The following ST3GAL5 variants were observed in gnomAD, a reference collection of about 807,000 sequenced individuals.
ST3GAL5 encodes lactosylceramide alpha-2,3-sialyltransferase.
A neutral mutation model predicts 46.1 loss-of-function variants in ST3GAL5; 25 were observed. The ratio of observed to expected loss-of-function variants is 0.54; its 90% CI spans 0.40 to 0.76. The LOEUF is 0.76. ST3GAL5 is among the 30% of genes least tolerant of loss of function. The pLI is 0.00. For synonymous variants in ST3GAL5, 182 were observed against 192.7 expected, an observed-to-expected ratio of 0.94 and a Z score of 0.46; for missense variants, 431 against 521.2, an observed-to-expected ratio of 0.83 and a Z score of 1.69.
intron 1 of ST3GAL5, among the ~76,000 whole-genome samples, chr2:85,882,637 T>C (rs1020140223): frequency 6.6e-6 from 1 of 151,020 alleles, no homozygotes; most frequent in African/African-American, 2.4e-5. Flanking sequence ...AAGACCAGCC[T>C]GGCCAACATG....
At chr2:85,888,783 G>A (rs1209755384) in intron 1 of ST3GAL5, 41 bp downstream of exon 1, 4 of 1,177,096 alleles carry the variant, frequency 3.4e-6, no homozygotes, top group East Asian at 3.7e-5. Flanking sequence ...CCCCCAGCCC[G>A]CGGGCCCCCG....
intron 3 of ST3GAL5, chr2:85,851,662 T>C: frequency 1.6e-6 from 2 of 1,289,354 alleles, no homozygotes; most frequent in South Asian, 1.2e-5. Flanking sequence ...AGCTCACAGC[T>C]CAGAAGAAAG....
At position 85,840,315 on chromosome 2, in the gene ST3GAL5, T is replaced by C. The variant is rs1344456475; in HGVS notation, c.1086A>G (p.Gly362=). The change falls in exon 7 of 7, where the codon GGA becomes GGG. Residue 362 remains glycine, a synonymous_variant. Transcript: ENST00000638572. ...LCDEVSLAGF[G]YDLNQPRTPL... is the part of the protein sequence containing the mutation. ...GTGTTCTGGGTTGATTGAGGTCATA[T>C]CCAAAACCCGCCAAACTGACTTCAT... 1.2e-6 allele frequency: 2 copies of C among 1,613,896 alleles called. No homozygotes were observed. Among genetic ancestry groups the C allele is most frequent in the South Asian group, 1.1e-5 (1 of 91,080 alleles).
At chr2:85,876,462 C>CTTTTTT (rs59265377) in intron 1 of ST3GAL5, among the ~76,000 whole-genome samples, 1 of 111,250 alleles carries the variant, frequency 9.0e-6, no homozygotes, top group African/African-American at 3.3e-5. Flanking sequence ...TTTCTTTTTC[C>CTTTTTT]TTTTTTTTTT....
At chr2:85,840,712 G>A (rs1030385555) in intron 6 of ST3GAL5, among the ~76,000 whole-genome samples, 6 of 152,164 alleles carry the variant, frequency 3.9e-5, no homozygotes, top group South Asian at 2.1e-4. Flanking sequence ...CTGGGAGGCC[G>A]AGGTGGGCGG....
chr2:85,870,029 T>C (rs557076814), intron 1 of ST3GAL5: 8 of 356,844 alleles, frequency 2.2e-5, no homozygotes, highest in Non-Finnish European at 4.5e-5. Context: ...ATAATGTGAA[T>C]GCTTGTGTTA....
At chr2:85,883,206 G>A (rs1425056074) in intron 1 of ST3GAL5, among the ~76,000 whole-genome samples, 1 of 152,310 alleles carries the variant, frequency 6.6e-6, no homozygotes, top group African/African-American at 2.4e-5. Context: ...ATTCCCACAT[G>A]TTGTGGGAGG....
rs537592040 is a variant in ST3GAL5, at chr2:85,882,505, G to A, written c.82+6319C>T. 2.9e-4 allele frequency among the ~76,000 whole-genome samples: 44 copies of A among 152,278 alleles called. No individual in the cohort carries two copies. The East Asian group carries it at 6.9e-3, about 24-fold the overall frequency. On this transcript the variant is annotated intron_variant, in intron 1 of 6. Transcript: ENST00000638572. ...CCTCTTGTATCAGCATGACCTGGAT[G>A]AGAGACATGGAGTCAAAGGAGATCA...
chr2:85,888,971 G>A lies in ST3GAL5; in HGVS notation c.-66C>T. 4 of 1,194,610 alleles carry A rather than the reference G, an allele frequency of 3.3e-6. No homozygotes were observed. Among genetic ancestry groups the A allele is most frequent in the Admixed American group, 8.8e-5 (2 of 22,674 alleles). 74.0% of individuals were successfully genotyped at this position (1,194,610 alleles called of 1,614,324 possible). ...CGCGCCCCCACCCGCCCCCAGCGCC[G>A]CTCTCGCGCCCATTCAGCTGGGGGC... On this transcript the variant is annotated 5_prime_UTR_variant, in exon 1 of 7. Transcript: ENST00000638572.
chr2:85,863,546 T>A (rs1237451618), intron 1 of ST3GAL5, 61 bp from the exon 2 acceptor site: 24 of 1,593,126 alleles, frequency 1.5e-5, no homozygotes, highest in Non-Finnish European at 2.1e-5. Context: ...GGAGGATGGA[T>A]TATGGTTTTC....
chr2:85,851,674 GCCT>G (rs1683526858), intron 3 of ST3GAL5: 1 of 1,289,286 alleles, frequency 7.8e-7, no homozygotes, highest in African/African-American at 1.5e-5. Flanking sequence ...AGAAGAAAGT[GCCT>G]CAAGGCGAGT....
chr2:85,853,365 G>C (rs1055872401), intron 3 of ST3GAL5: 9 of 330,014 alleles, frequency 2.7e-5, no homozygotes, highest in Non-Finnish European at 5.4e-5. Flanking sequence ...ATGAAGGCGG[G>C]GACCAGCGTC....
chr2:85,867,867 G>T, intron 1 of ST3GAL5: 1 of 594,172 alleles, frequency 1.7e-6, no homozygotes, highest in Non-Finnish European at 3.1e-6. Flanking sequence ...CCTGGGACTG[G>T]GGTTAGTCAG....
intron 3 of ST3GAL5, among the ~76,000 whole-genome samples, chr2:85,858,899 C>A (rs1684434080): frequency 2.0e-5 from 3 of 152,196 alleles, no homozygotes; most frequent in African/African-American, 7.2e-5. Context: ...TGAGTTTCTC[C>A]TCTGGTCATT....
chr2:85,840,770 C>A (rs1184579801), intron 6 of ST3GAL5, among the ~76,000 whole-genome samples: 1 of 151,590 alleles, frequency 6.6e-6, no homozygotes, highest in African/African-American at 2.4e-5. Context: ...ATGGTGAAAC[C>A]CTGTCTCTAC....
At chr2:85,881,149 C>G (rs544353755) in intron 1 of ST3GAL5, among the ~76,000 whole-genome samples, 1 of 152,328 alleles carries the variant, frequency 6.6e-6, no homozygotes, top group Non-Finnish European at 1.5e-5. Flanking sequence ...CTCATTCTCT[C>G]TTGCTGCTGC....
chr2:85,874,464 C>T (rs1277137118), intron 1 of ST3GAL5, among the ~76,000 whole-genome samples: 5 of 152,106 alleles, frequency 3.3e-5, no homozygotes, highest in Non-Finnish European at 7.4e-5. Context: ...GCCTCGTGCT[C>T]GACTTGCCCT....
At chr2:85,881,392 T>C (rs904479700) in intron 1 of ST3GAL5, among the ~76,000 whole-genome samples, 2 of 152,098 alleles carry the variant, frequency 1.3e-5, no homozygotes, top group African/African-American at 4.8e-5. Context: ...CAGGCAGAGA[T>C]TGGAACAGTT....
At position 85,884,206 on chromosome 2, in the gene ST3GAL5, A is replaced by G. The variant is rs76045687; in HGVS notation, c.82+4618T>C. Among the ~76,000 whole-genome samples, 171 of 152,324 alleles carry G rather than the reference A, an allele frequency of 1.1e-3. 1 individual carries two copies. The highest frequency in any genetic ancestry group is 3.8e-3 in the African/African-American group (160 of 41,562). On this transcript the variant is annotated intron_variant, in intron 1 of 6. Transcript: ENST00000638572. Reference sequence around the variant, plus strand: ...GTGAACATTACATTAGTTAGTATATATAACATGTCTACAATAGATGAGAAT... The same window carrying G: ...GTGAACATTACATTAGTTAGTATATGTAACATGTCTACAATAGATGAGAAT...
Sources: allele counts gnomAD v4.1 joint callset (sites outside exome capture counted in the v4.1 genomes callset), GRCh38; gene constraint gnomAD v4.1.1; transcripts MANE v1.5; gene names NCBI Gene and HGNC (gene_info 2026-07-23, HGNC 2026-07-21).